The following SLC30A7 variants were observed in gnomAD, a reference collection of about 807,000 sequenced individuals.
SLC30A7 encodes solute carrier family 30 member 7.
Under a neutral mutation model 46.0 loss-of-function variants are expected in SLC30A7, and 35 were observed. The observed-to-expected ratio is 0.76, with a 90% CI of 0.58 to 1.01. The LOEUF (loss-of-function observed/expected upper bound fraction) is 1.01, where lower values mean the gene tolerates loss of function less well. Ranked by LOEUF, SLC30A7 falls within the 50% of genes least tolerant of loss-of-function variation. The probability of loss-of-function intolerance (pLI) is 0.00; values close to 1 mark genes in which losing one functional copy is unlikely to be tolerated. For synonymous variants in SLC30A7, 147 were observed against 157.8 expected, an observed-to-expected ratio of 0.93 and a Z score of 0.51; for missense variants, 464 against 451.1, an observed-to-expected ratio of 1.03 and a Z score of -0.26.
intron 6 of SLC30A7, among the ~76,000 whole-genome samples, chr1:100,914,990 A>C (rs1652385251): frequency 6.6e-6 from 1 of 152,152 alleles, no homozygotes; most frequent in South Asian, 2.1e-4. Flanking sequence ...AAAACAGATA[A>C]ATATTTAATG....
intron 7 of SLC30A7, among the ~76,000 whole-genome samples, chr1:100,918,856 A>G (rs1361540961): frequency 6.6e-6 from 1 of 152,156 alleles, no homozygotes; most frequent in Non-Finnish European, 1.5e-5. Context: ...CAGCATCATG[A>G]GAGATGATCA....
At chr1:100,990,019 T>G in the SLC30A7 span, 1 of 200,882 alleles carries the variant, frequency 5.0e-6, no homozygotes, top group African/African-American at 2.4e-5. Flanking sequence ...CATCCAGGTA[T>G]TAATCCATTC....
intron 8 of SLC30A7, among the ~76,000 whole-genome samples, chr1:100,934,151 A>G (rs1215486243): frequency 6.6e-6 from 1 of 152,086 alleles, no homozygotes; most frequent in East Asian, 1.9e-4. Flanking sequence ...GCTTTGTGAC[A>G]CTCAAGTTTC....
intron 8 of SLC30A7, among the ~76,000 whole-genome samples, chr1:100,940,054 T>C (rs1169018493): frequency 6.6e-6 from 1 of 152,038 alleles, no homozygotes; most frequent in Non-Finnish European, 1.5e-5. Context: ...GCCTTTGTAA[T>C]GAACATAATG....
At chr1:100,950,692 T>C (rs563110931) in intron 8 of SLC30A7, among the ~76,000 whole-genome samples, 1 of 152,372 alleles carries the variant, frequency 6.6e-6, no homozygotes, top group Non-Finnish European at 1.5e-5. Context: ...ATCAGGACTT[T>C]ACTGTAGGCA....
intron 8 of SLC30A7, among the ~76,000 whole-genome samples, chr1:100,942,753 C>A (rs1654422889): frequency 6.6e-6 from 1 of 152,202 alleles, no homozygotes. Flanking sequence ...TAATGAGTTA[C>A]AGCTTGCTTT....
At chr1:100,925,442 A>G (rs1653236233) in intron 8 of SLC30A7, among the ~76,000 whole-genome samples, 1 of 152,226 alleles carries the variant, frequency 6.6e-6, no homozygotes, top group Admixed American at 6.5e-5. Context: ...AAGTGAGAAC[A>G]GGCAGACCAG....
chr1:100,941,735 TTGCATTCA>T, intron 8 of SLC30A7: 1 of 639,172 alleles, frequency 1.6e-6, no homozygotes, highest in South Asian at 1.4e-5. Flanking sequence ...TTGTGTAGCT[TTGCATTCA>T]TGACTGCATC....
At chr1:100,904,909 TA>T (rs1035115589) in intron 2 of SLC30A7, among the ~76,000 whole-genome samples, 1 of 152,148 alleles carries the variant, frequency 6.6e-6, no homozygotes, top group Non-Finnish European at 1.5e-5. Context: ...CCTTCTCCTG[TA>T]ATAGCCAAAC....
chr1:100,961,744 C>T lies in SLC30A7; in HGVS notation c.843-84C>T, dbSNP rs936516681. 3.2e-5 allele frequency: 22 copies of T among 687,916 alleles called. 1 individual carries two copies. Among genetic ancestry groups the T allele is most frequent in the East Asian group, 5.8e-5 (2 of 34,700 alleles). The allele number at this position is 687,916 out of a possible 1,614,324, so 42.6% of individuals were successfully genotyped here. On this transcript the variant is annotated intron_variant, in intron 8 of 10. Coordinates refer to ENST00000357650, the MANE Select transcript of SLC30A7 (RefSeq NM_133496.5). ...TCCCGTAAGTCCTATTATATTCTAC[C>T]GTAGGGAGGCATATTATTACTTTCT...
At chr1:100,941,804 A>G in intron 8 of SLC30A7, 1 of 576,612 alleles carries the variant, frequency 1.7e-6, no homozygotes, top group Non-Finnish European at 3.3e-6. Flanking sequence ...CTGGAGTGGC[A>G]TACGTGACAA....
chr1:100,961,402 C>G (rs1416236413), intron 8 of SLC30A7, among the ~76,000 whole-genome samples: 4 of 152,160 alleles, frequency 2.6e-5, no homozygotes, highest in Non-Finnish European at 1.5e-5. Context: ...CTGTGGTTAT[C>G]GCCAGGCTTC....
chr1:100,911,227 GT>G (rs1175255826), intron 4 of SLC30A7, 77 bp downstream of exon 4: 4 of 985,234 alleles, frequency 4.1e-6, no homozygotes, highest in African/African-American at 3.3e-5. Context: ...ATATATGTAA[GT>G]TTTTTTCAAC....
At chr1:100,897,019 C>CCT (rs1651013538) in intron 2 of SLC30A7, among the ~76,000 whole-genome samples, 1 of 151,754 alleles carries the variant, frequency 6.6e-6, no homozygotes, top group African/African-American at 2.4e-5. Flanking sequence ...TTGTTTGCTG[C>CCT]CTCTCTCGGG....
chr1:100,907,070 C>T (rs940565168), intron 3 of SLC30A7, 105 bp downstream of exon 3: 115 of 721,918 alleles, frequency 1.6e-4, no homozygotes, highest in Non-Finnish European at 2.5e-4. Context: ...ACAGGTGTAA[C>T]TTTTGAATCT....
chr1:100,994,449 A>G, the SLC30A7 span, among the ~76,000 whole-genome samples: 8 of 152,146 alleles, frequency 5.3e-5, no homozygotes, highest in Non-Finnish European at 1.0e-4. Flanking sequence ...TAGTACTATC[A>G]TTATACATCT....
At chr1:100,973,804 T>C (rs932988180) in intron 10 of SLC30A7, among the ~76,000 whole-genome samples, 1 of 152,110 alleles carries the variant, frequency 6.6e-6, no homozygotes, top group South Asian at 2.1e-4. Context: ...AGGGAAAATA[T>C]ATATATCTAT....
At chr1:100,928,225 G>T (rs1653434230) in intron 8 of SLC30A7, among the ~76,000 whole-genome samples, 1 of 152,128 alleles carries the variant, frequency 6.6e-6, no homozygotes, top group Non-Finnish European at 1.5e-5. Context: ...TGTGCTGTAG[G>T]GAAGAAGTAG....
At chr1:100,955,106 T>C (rs1015273089) in intron 8 of SLC30A7, among the ~76,000 whole-genome samples, 1 of 152,044 alleles carries the variant, frequency 6.6e-6, no homozygotes, top group Admixed American at 6.5e-5. Flanking sequence ...TTAACTGAAA[T>C]TTTTTATTGT....
Sources: gnomAD v4.1 joint callset for allele counts (sites outside exome capture counted in the v4.1 genomes callset) on GRCh38, gnomAD v4.1.1 for gene constraint, MANE v1.5 for transcripts, NCBI Gene and HGNC (gene_info 2026-07-23, HGNC 2026-07-21) for gene names.